LRP1B: variants seen among roughly 807,000 people sequenced by gnomAD.
LRP1B encodes low-density lipoprotein receptor-related protein 1B.
A neutral mutation model predicts 556.6 loss-of-function variants in LRP1B; 217 were observed. The observed-to-expected ratio is 0.39, with a 90% CI of 0.35 to 0.44. The LOEUF (loss-of-function observed/expected upper bound fraction) is 0.44. Among genes scored for constraint, LRP1B ranks in the 20% least tolerant of loss-of-function variants. The pLI, the probability that LRP1B is intolerant of heterozygous loss-of-function variation, is 1.00. For missense variants in LRP1B, 5,053 were observed against 5,620.8 expected, an observed-to-expected ratio of 0.90 and a Z score of 3.23; for synonymous variants, 2,047 against 1,865.8, an observed-to-expected ratio of 1.10 and a Z score of -2.50.
intron 10 of LRP1B, among the ~76,000 whole-genome samples, chr2:141,051,127 A>G (rs566618631): frequency 1.8e-4 from 28 of 152,118 alleles, no homozygotes; most frequent in Non-Finnish European, 3.4e-4. Context: ...TCAGGAAACA[A>G]TAGATGCTGG....
chr2:140,265,320 T>G (rs1419461864), intron 86 of LRP1B, among the ~76,000 whole-genome samples: 2 of 152,106 alleles, frequency 1.3e-5, no homozygotes, highest in African/African-American at 4.8e-5. Flanking sequence ...ATTCAATGTA[T>G]CTACTTTAAT....
chr2:140,302,757 G>C (rs1358063695), intron 83 of LRP1B, among the ~76,000 whole-genome samples: 3 of 152,028 alleles, frequency 2.0e-5, no homozygotes, highest in African/African-American at 4.8e-5. Flanking sequence ...TCCTGGCTGA[G>C]GACATCAGAG....
intron 1 of LRP1B, among the ~76,000 whole-genome samples, chr2:142,071,002 G>A (rs1398525191): frequency 2.6e-5 from 4 of 151,830 alleles, no homozygotes; most frequent in Admixed American, 1.3e-4. Flanking sequence ...AATTGAGAAA[G>A]GCGAAGTTAA....
intron 2 of LRP1B, among the ~76,000 whole-genome samples, chr2:141,560,228 T>G (rs1000962359): frequency 6.6e-6 from 1 of 151,806 alleles, no homozygotes; most frequent in East Asian, 1.9e-4. Context: ...TCCAGCATTA[T>G]AGTGCACTTA....
chr2:140,929,670 G>A (rs1694990048), intron 20 of LRP1B, among the ~76,000 whole-genome samples: 1 of 151,230 alleles, frequency 6.6e-6, no homozygotes. Context: ...AAATCTCCAA[G>A]AACCTTCACA....
At chr2:141,578,475 C>T (rs1686841208) in intron 2 of LRP1B, among the ~76,000 whole-genome samples, 1 of 151,196 alleles carries the variant, frequency 6.6e-6, no homozygotes, top group Admixed American at 6.6e-5. Flanking sequence ...TCTCCCAGAG[C>T]ACAGTGAATG....
At chr2:141,810,161 GA>G in intron 2 of LRP1B, 117 bp downstream of exon 2, 10 of 385,050 alleles carry the variant, frequency 2.6e-5, no homozygotes, top group South Asian at 2.1e-4. Context: ...AAGAAAGAAA[GA>G]AAGAAGGAAA....
At chr2:141,117,804 T>C (rs1265131821) in intron 7 of LRP1B, among the ~76,000 whole-genome samples, 2 of 152,132 alleles carry the variant, frequency 1.3e-5, no homozygotes, top group East Asian at 3.9e-4. Context: ...CAATGGGTCA[T>C]TCCCTGGCAT....
intron 66 of LRP1B, among the ~76,000 whole-genome samples, chr2:140,433,567 A>G (rs1686045381): frequency 6.6e-6 from 1 of 152,200 alleles, no homozygotes; most frequent in African/African-American, 2.4e-5. Context: ...AATGAACTAA[A>G]ACAATATGCA....
chr2:141,670,312 A>G (rs1574221514), intron 2 of LRP1B, among the ~76,000 whole-genome samples: 1 of 152,204 alleles, frequency 6.6e-6, no homozygotes, highest in Admixed American at 6.5e-5. Context: ...TTGTTATCGA[A>G]TCTATCAATA....
At chr2:140,633,740 T>C (rs1410978882) in intron 41 of LRP1B, among the ~76,000 whole-genome samples, 1 of 152,126 alleles carries the variant, frequency 6.6e-6, no homozygotes, top group Non-Finnish European at 1.5e-5. Flanking sequence ...ACCAATTTCC[T>C]AAAAGATACA....
At chr2:141,289,381 C>CAAAAA (rs34784985) in intron 3 of LRP1B, among the ~76,000 whole-genome samples, 30 of 43,388 alleles carry the variant, frequency 6.9e-4, no homozygotes, top group Admixed American at 2.1e-3. Flanking sequence ...GACTCCATCT[C>CAAAAA]AAAAAAAAAA....
chr2:142,001,970 T>G (rs1165482299), intron 1 of LRP1B, among the ~76,000 whole-genome samples: 1 of 152,142 alleles, frequency 6.6e-6, no homozygotes, highest in African/African-American at 2.4e-5. Flanking sequence ...CAAAACACTT[T>G]GAACACTTAC....
At chr2:140,488,312 T>C (rs1157453420) in intron 57 of LRP1B, among the ~76,000 whole-genome samples, 1 of 152,038 alleles carries the variant, frequency 6.6e-6, no homozygotes, top group Non-Finnish European at 1.5e-5. Context: ...CAGTGTGATA[T>C]TAGAATTTAA....
chr2:141,628,298 A>G (rs1013184574), intron 2 of LRP1B, among the ~76,000 whole-genome samples: 2 of 152,178 alleles, frequency 1.3e-5, no homozygotes, highest in African/African-American at 4.8e-5. Flanking sequence ...GAAGGTAAAC[A>G]TTGTATTGGA....
intron 83 of LRP1B, among the ~76,000 whole-genome samples, chr2:140,308,725 T>C (rs1047752094): frequency 2.6e-5 from 4 of 151,852 alleles, no homozygotes; most frequent in African/African-American, 9.7e-5. Context: ...ACATTGAGTG[T>C]AAGGAATAGC....
At chr2:140,297,549 G>A (rs939143746) in intron 84 of LRP1B, among the ~76,000 whole-genome samples, 1 of 152,120 alleles carries the variant, frequency 6.6e-6, no homozygotes, top group Non-Finnish European at 1.5e-5. Flanking sequence ...AAGAGGGGAA[G>A]AGAGAGGAAG....
intron 2 of LRP1B, among the ~76,000 whole-genome samples, chr2:141,494,328 C>A (rs1198088221): frequency 6.6e-6 from 1 of 152,124 alleles, no homozygotes; most frequent in South Asian, 2.1e-4. Context: ...TGAAGCAACA[C>A]AAAACCCTAA....
Position 140,495,651 on chromosome 2 carries a change from A to C in LRP1B, c.8948T>G (p.Ile2983Ser). 1.2e-6 allele frequency: 2 copies of C among 1,614,038 alleles called. No homozygotes were observed. Among genetic ancestry groups the C allele is most frequent in the Non-Finnish European group, 1.7e-6 (2 of 1,179,910 alleles). ...GCACTTGTAAGTCCCGTATGTATTG[A>C]TGCATTGCTGGCTACAGGGAAAGCC... ...SSGFPCSQQC[I>S]NTYGTYKCLC... Residue 2983 changes from isoleucine (I) to serine (S), a missense_variant, in exon 56 of 91, where the codon ATC (isoleucine) becomes AGC (serine). Around this residue, in one of 5 missense-constraint regions of LRP1B, gnomAD observed 3,619 missense variants for 3,931.9 expected, o/e 0.92. Transcript: ENST00000389484.
Sources: gnomAD v4.1 joint callset for allele counts (sites outside exome capture counted in the v4.1 genomes callset) on GRCh38, gnomAD v4.1.1 for gene constraint, gnomAD v4.1.1 regional missense constraint, MANE v1.5 for transcripts, NCBI Gene and HGNC (gene_info 2026-07-23, HGNC 2026-07-21) for gene names.